LRP1B: variants seen among roughly 807,000 people sequenced by gnomAD.
LRP1B encodes the protein LDL receptor related protein 1B.
A neutral mutation model predicts 556.6 loss-of-function variants in LRP1B; 217 were observed. The ratio of observed to expected loss-of-function variants is 0.39; its 90% CI spans 0.35 to 0.44. LRP1B has a LOEUF of 0.44. LRP1B is among the 20% of genes least tolerant of loss of function. The pLI is 1.00. For synonymous variants in LRP1B, 2,047 were observed against 1,865.8 expected, an observed-to-expected ratio of 1.10 and a Z score of -2.50; for missense variants, 5,053 against 5,620.8, an observed-to-expected ratio of 0.90 and a Z score of 3.23.
intron 1 of LRP1B, among the ~76,000 whole-genome samples, chr2:141,905,427 T>C (rs1332783381): frequency 1.3e-5 from 2 of 151,780 alleles, no homozygotes; most frequent in Non-Finnish European, 2.9e-5. Flanking sequence ...ATGATAAATT[T>C]TGAAGTGAGT....
intron 77 of LRP1B, among the ~76,000 whole-genome samples, chr2:140,343,829 A>G (rs1367320815): frequency 6.6e-6 from 1 of 151,754 alleles, no homozygotes; most frequent in Non-Finnish European, 1.5e-5. Context: ...GGACAGAGAA[A>G]AAAGGGTACT....
At chr2:140,366,191 A>G (rs1226361037) in intron 71 of LRP1B, among the ~76,000 whole-genome samples, 1 of 151,686 alleles carries the variant, frequency 6.6e-6, no homozygotes, top group African/African-American at 2.4e-5. Context: ...TCCAGAGAAG[A>G]ACTGATGGTA....
chr2:140,882,408 A>C (rs1209737211), intron 25 of LRP1B, among the ~76,000 whole-genome samples: 1 of 152,222 alleles, frequency 6.6e-6, no homozygotes, highest in Non-Finnish European at 1.5e-5. Context: ...CGTAGACTAC[A>C]TAAACTAGAG....
chr2:141,292,441 T>G (rs1464214488), intron 3 of LRP1B, among the ~76,000 whole-genome samples: 1 of 151,952 alleles, frequency 6.6e-6, no homozygotes, highest in South Asian at 2.1e-4. Context: ...GCAATAATAA[T>G]GGTAGCTGGG....
chr2:141,916,162 T>C (rs989010686), intron 1 of LRP1B, among the ~76,000 whole-genome samples: 7 of 152,050 alleles, frequency 4.6e-5, no homozygotes, highest in African/African-American at 1.7e-4. Context: ...AGCAAAGACA[T>C]AGAATCAATC....
At chr2:142,044,455 G>T (rs1704184582) in intron 1 of LRP1B, among the ~76,000 whole-genome samples, 1 of 151,692 alleles carries the variant, frequency 6.6e-6, no homozygotes, top group African/African-American at 2.4e-5. Flanking sequence ...ATCTTTGCAT[G>T]CTCCTCCTGC....
intron 66 of LRP1B, among the ~76,000 whole-genome samples, chr2:140,393,779 T>C (rs1684129449): frequency 6.6e-6 from 1 of 152,178 alleles, no homozygotes; most frequent in South Asian, 2.1e-4. Flanking sequence ...TATAACATTA[T>C]GGAGTCACAA....
chr2:141,757,128 C>A (rs577575467), intron 2 of LRP1B, among the ~76,000 whole-genome samples: 1 of 152,104 alleles, frequency 6.6e-6, no homozygotes, highest in African/African-American at 2.4e-5. Flanking sequence ...GTCACATAAC[C>A]TTCATACTCA....
At chr2:142,078,818 CAT>C (rs1222984996) in intron 1 of LRP1B, among the ~76,000 whole-genome samples, 1 of 151,980 alleles carries the variant, frequency 6.6e-6, no homozygotes, top group Non-Finnish European at 1.5e-5. Context: ...CTAGATAGCA[CAT>C]ATAATAAGTA....
intron 1 of LRP1B, among the ~76,000 whole-genome samples, chr2:141,817,729 C>T (rs1203170556): frequency 3.9e-5 from 6 of 152,034 alleles, no homozygotes; most frequent in Non-Finnish European, 5.9e-5. Flanking sequence ...GATTAATTTA[C>T]AAAAATTTTA....
intron 2 of LRP1B, among the ~76,000 whole-genome samples, chr2:141,577,515 G>C (rs1472188434): frequency 1.3e-5 from 2 of 152,130 alleles, no homozygotes; most frequent in East Asian, 1.9e-4. Context: ...ATTGAGCTGC[G>C]CTGGGGAGTA....
chr2:140,619,672 T>C (rs568410592), intron 41 of LRP1B, among the ~76,000 whole-genome samples: 9 of 152,146 alleles, frequency 5.9e-5, no homozygotes, highest in South Asian at 4.1e-4. Flanking sequence ...ATAAATGAGA[T>C]CATTTATATG....
chr2:141,209,398 G>T (rs190899663), intron 6 of LRP1B, among the ~76,000 whole-genome samples: 11 of 152,254 alleles, frequency 7.2e-5, no homozygotes, highest in East Asian at 3.9e-4. Context: ...TGCTGTGATT[G>T]TAAGTTTTCA....
At chr2:141,009,189 C>CT (rs746428898) in intron 14 of LRP1B, among the ~76,000 whole-genome samples, 1,871 of 144,062 alleles carry the variant, frequency 0.013, 33 homozygotes, top group African/African-American at 0.042. Context: ...TGGGGATTCT[C>CT]TTTTTTTTTT....
In LRP1B at chr2:141,816,745, C is replaced by A. The variant is rs1482699843; in HGVS notation, c.83-6344G>T. 7.2e-5 allele frequency among the ~76,000 whole-genome samples: 11 copies of A among 152,028 alleles called. No homozygotes were observed. In the East Asian group the frequency reaches 1.7e-3, roughly 24 times the overall value. On this transcript the variant is annotated intron_variant, in intron 1 of 90. Coordinates refer to ENST00000389484, the MANE Select transcript of LRP1B (RefSeq NM_018557.3). ...ATACACCACCCATCCTCAATACTCA[C>A]ATGTATATAGAGATATACACAAATC...
intron 3 of LRP1B, among the ~76,000 whole-genome samples, chr2:141,344,103 A>G (rs959657204): frequency 4.6e-5 from 7 of 152,064 alleles, no homozygotes; most frequent in Non-Finnish European, 1.0e-4. Flanking sequence ...CTTGAAAACC[A>G]TTGTTTCATG....
intron 7 of LRP1B, among the ~76,000 whole-genome samples, chr2:141,125,866 A>C (rs1466313158): frequency 2.0e-5 from 3 of 149,652 alleles, no homozygotes; most frequent in Admixed American, 6.7e-5. Context: ...AAAAAACAAA[A>C]AACCTCCACT....
Position 140,247,150 on chromosome 2 carries a change from G to T in LRP1B, c.13260C>A (p.Asn4420Lys). ...GCCTTTCACACTGTGTGCCTGACCA[G>T]TTGGTGGAGCATCTAAAAATATCCA... ...TNVPVCLCSTNWSGTQCERPA... is the reference protein window; with the variant it reads ...TNVPVCLCSTKWSGTQCERPA... Residue 4420 changes from asparagine to lysine, a missense_variant, in exon 87 of 91, where the codon AAC becomes AAA. By Grantham distance (94) the Asn-to-Lys change is moderately conservative (BLOSUM62 0). Transcript: ENST00000389484. 6.2e-7 allele frequency: 1 copy of T among 1,608,272 alleles called. No individual in the cohort carries two copies. Among genetic ancestry groups the T allele is most frequent in the Non-Finnish European group, 8.5e-7 (1 of 1,175,806 alleles).
Position 141,679,165 on chromosome 2 carries a change from T to C in LRP1B, c.205+131114A>G, listed in dbSNP as rs368469387. 1.2e-4 allele frequency among the ~76,000 whole-genome samples: 19 copies of C among 152,226 alleles called. No individual in the cohort carries two copies. In the East Asian group the frequency reaches 3.7e-3, roughly 29 times the overall value. ...CCTCGGTATAACAGGCATTAGAGAC[T>C]GAATCCTGGTAATAACACACGAGTA... On this transcript the variant is annotated intron_variant, in intron 2 of 90. Transcript: ENST00000389484.
Sources: allele counts gnomAD v4.1 joint callset (sites outside exome capture counted in the v4.1 genomes callset), GRCh38; gene constraint gnomAD v4.1.1; transcripts MANE v1.5; gene names NCBI Gene and HGNC (gene_info 2026-07-23, HGNC 2026-07-21).